Variants in RIN3 observed in about 807,000 individuals in gnomAD.
RIN3 encodes the protein Ras and Rab interactor 3.
A neutral mutation model predicts 76.3 loss-of-function variants in RIN3; 54 were observed. The ratio of observed to expected loss-of-function variants is 0.71; its 90% confidence interval spans 0.57 to 0.89. RIN3 has a LOEUF of 0.89. Ranked by LOEUF, RIN3 falls within the 40% of genes least tolerant of loss-of-function variation. RIN3 has a pLI of 0.00. For missense variants in RIN3, 1,256 were observed against 1,322.1 expected, an observed-to-expected ratio of 0.95 and a Z score of 0.78; for synonymous variants, 576 against 564.0, an observed-to-expected ratio of 1.02 and a Z score of -0.30.
chr14:92,600,929 G>T (rs1885321563), intron 3 of RIN3, among the ~76,000 whole-genome samples: 1 of 152,178 alleles, frequency 6.6e-6, no homozygotes, highest in African/African-American at 2.4e-5. Context: ...CCCCCTGGGG[G>T]ATCAGTTTGC....
chr14:92,647,939 A>T (rs567657621), intron 5 of RIN3, among the ~76,000 whole-genome samples: 1 of 152,074 alleles, frequency 6.6e-6, no homozygotes, highest in African/African-American at 2.4e-5. Context: ...CTTTAGGGGA[A>T]CTCTCGCAGC....
intron 4 of RIN3, among the ~76,000 whole-genome samples, chr14:92,635,698 CA>C (rs1886748322): frequency 2.6e-5 from 4 of 151,674 alleles, no homozygotes; most frequent in Admixed American, 2.6e-4. Context: ...CTAAAAAATA[CA>C]AAAATCAGCT....
intron 7 of RIN3, among the ~76,000 whole-genome samples, chr14:92,670,662 G>A (rs1256055730): frequency 6.6e-6 from 1 of 152,220 alleles, no homozygotes; most frequent in African/African-American, 2.4e-5. Flanking sequence ...TCTAGTCCCA[G>A]CTCTGCTATT....
intron 6 of RIN3, among the ~76,000 whole-genome samples, chr14:92,655,822 G>A (rs1021395637): frequency 1.3e-5 from 2 of 152,246 alleles, no homozygotes; most frequent in African/African-American, 4.8e-5. Flanking sequence ...TCCCTGGGAG[G>A]ACACAGCGTC....
intron 6 of RIN3, 31 bp downstream of exon 6, chr14:92,653,106 G>A (rs1272342238): frequency 6.3e-7 from 1 of 1,576,368 alleles, no homozygotes; most frequent in Admixed American, 1.7e-5. Context: ...TGGCAGGGAG[G>A]AGAGGGCGGT....
intron 1 of RIN3, among the ~76,000 whole-genome samples, chr14:92,532,284 A>G (rs1896900768): frequency 6.6e-6 from 1 of 152,194 alleles, no homozygotes; most frequent in Non-Finnish European, 1.5e-5. Flanking sequence ...AAGGTCACAC[A>G]GCAAGCTAAC....
At chr14:92,565,034 A>C (rs1199147986) in intron 2 of RIN3, among the ~76,000 whole-genome samples, 1 of 152,192 alleles carries the variant, frequency 6.6e-6, no homozygotes, top group Non-Finnish European at 1.5e-5. Context: ...GCCCCCTGTG[A>C]GTGTCCTGGA....
intron 1 of RIN3, among the ~76,000 whole-genome samples, chr14:92,523,614 CT>C (rs1054617834): frequency 6.6e-6 from 1 of 152,218 alleles, no homozygotes; most frequent in African/African-American, 2.4e-5. Flanking sequence ...GAAGAGGCAG[CT>C]TTGCATCCAC....
At chr14:92,665,370 CTTTTTTTTTTTTTTT>C (rs55818571) in intron 7 of RIN3, among the ~76,000 whole-genome samples, 1 of 83,580 alleles carries the variant, frequency 1.2e-5, no homozygotes, top group African/African-American at 5.0e-5. Context: ...GCCTTTGTCT[CTTTTTTTTTTTTTTT>C]TTTTTTTTTT....
intron 1 of RIN3, chr14:92,515,318 A>G: frequency 2.9e-6 from 2 of 692,584 alleles, no homozygotes; most frequent in Non-Finnish European, 5.3e-6. Context: ...TGGCAGGGTG[A>G]AGCCGGAGAG....
intron 4 of RIN3, among the ~76,000 whole-genome samples, chr14:92,619,808 T>A (rs1452693463): frequency 6.6e-6 from 1 of 152,182 alleles, no homozygotes; most frequent in Admixed American, 6.5e-5. Flanking sequence ...TTTGACTGTT[T>A]CCAGCATAGC....
At chr14:92,641,652 AGAGCTGG>A (rs1381657146) in intron 5 of RIN3, among the ~76,000 whole-genome samples, 1 of 152,138 alleles carries the variant, frequency 6.6e-6, no homozygotes, top group Non-Finnish European at 1.5e-5. Context: ...TGGGAGCCAG[AGAGCTGG>A]GCCTGGCAGC....
At chr14:92,676,187 G>A (rs1019258742) in intron 7 of RIN3, among the ~76,000 whole-genome samples, 18 of 151,900 alleles carry the variant, frequency 1.2e-4, no homozygotes, top group East Asian at 5.8e-4. Flanking sequence ...AGCAGGGGGC[G>A]GTCATGGAGA....
chr14:92,529,811 T>C (rs1177848040), intron 1 of RIN3, among the ~76,000 whole-genome samples: 1 of 152,212 alleles, frequency 6.6e-6, no homozygotes, highest in East Asian at 1.9e-4. Flanking sequence ...AAGAAGGCTG[T>C]GATGTGCCTT....
intron 4 of RIN3, among the ~76,000 whole-genome samples, chr14:92,626,796 G>A (rs974479401): frequency 6.6e-6 from 1 of 152,102 alleles, no homozygotes; most frequent in African/African-American, 2.4e-5. Flanking sequence ...CAGGAGTTGG[G>A]ATCCCTCTGC....
intron 1 of RIN3, among the ~76,000 whole-genome samples, chr14:92,544,469 C>CT (rs1477220936): frequency 5.7e-5 from 8 of 139,158 alleles, no homozygotes; most frequent in African/African-American, 1.9e-4. Context: ...GGGGCTGATT[C>CT]TTTGGATGGC....
intron 1 of RIN3, among the ~76,000 whole-genome samples, chr14:92,544,436 GC>G (rs1414058421): frequency 0.016 from 2,072 of 126,776 alleles, 2 homozygotes; most frequent in Non-Finnish European, 0.021. Flanking sequence ...GGGGGTGGGG[GC>G]GGGGGTCCCA....
chr14:92,655,100 G>A (rs1402396098), intron 6 of RIN3, among the ~76,000 whole-genome samples: 3 of 152,302 alleles, frequency 2.0e-5, no homozygotes, highest in East Asian at 3.9e-4. Flanking sequence ...GGGAGGCAGA[G>A]GTTGCAGTGA....
At chr14:92,641,465 G>A in intron 5 of RIN3, 136 bp downstream of exon 5, 4 of 651,500 alleles carry the variant, frequency 6.1e-6, no homozygotes, top group Non-Finnish European at 1.1e-5. Flanking sequence ...CCCTGCCTCA[G>A]GCTGCTGAGC....
Sources: gnomAD v4.1 joint callset for allele counts (sites outside exome capture counted in the v4.1 genomes callset) on GRCh38, gnomAD v4.1.1 for gene constraint, MANE v1.5 for transcripts, NCBI Gene and HGNC (gene_info 2026-07-23, HGNC 2026-07-21) for gene names.